TRIP6: variants seen among roughly 807,000 people sequenced by gnomAD.
The protein encoded by TRIP6 is thyroid hormone receptor interactor 6, also known as thyroid receptor-interacting protein 6.
A neutral mutation model predicts 51.9 loss-of-function variants in TRIP6; 33 were observed. That is an observed-to-expected ratio of 0.64 (90% CI 0.48 to 0.85). The LOEUF (loss-of-function observed/expected upper bound fraction) is 0.85. TRIP6 is among the 40% of genes least tolerant of loss of function. The probability of loss-of-function intolerance (pLI) is 0.00; values close to 1 mark genes in which losing one functional copy is unlikely to be tolerated. For missense variants in TRIP6, 661 were observed against 652.1 expected (o/e 1.01, Z -0.15); for synonymous variants, 255 against 275.8 (o/e 0.92, Z 0.75).
chr7:100,868,988 C>G, intron 4 of TRIP6, 122 bp downstream of exon 4: 12 of 1,300,364 alleles, frequency 9.2e-6, no homozygotes, highest in Non-Finnish European at 9.9e-6. Context: ...CTCTTGTTTG[C>G]CCAGGCTGGG....
At chr7:100,872,293 A>G (rs1324352000) in intron 7 of TRIP6, among the ~76,000 whole-genome samples, 1 of 145,022 alleles carries the variant, frequency 6.9e-6, no homozygotes, top group African/African-American at 2.5e-5. Flanking sequence ...TCGGCCGCCC[A>G]AAGTGCAGGG....
chr7:100,870,840 G>A (rs1449827924), intron 6 of TRIP6, 97 bp downstream of exon 6: 16 of 1,456,682 alleles, frequency 1.1e-5, no homozygotes, highest in Admixed American at 4.6e-5. Context: ...AAGGAGGAAC[G>A]GTGCTAAAAG....
At chr7:100,869,796 A>G (rs1178929824) in intron 4 of TRIP6, among the ~76,000 whole-genome samples, 2 of 84,224 alleles carry the variant, frequency 2.4e-5, no homozygotes, top group Non-Finnish European at 4.3e-5. Flanking sequence ...CAATTTTTCC[A>G]TGGACTGGGG....
At position 100,871,589 on chromosome 7, in the gene TRIP6, G is replaced by T. The variant is rs557993878; in HGVS notation, c.1046G>T (p.Arg349Leu). ...ACGTGCTCCCAGCCCATCCTGGACC[G>T]GATCCTGCGGGCTATGGGGAAGGCC... ...CATCSQPILD[R>L]ILRAMGKAYH... Residue 349 changes from arginine to leucine, a missense_variant, in exon 7 of 9, where the codon CGG becomes CTG. Transcript: ENST00000200457. 2 of 1,614,054 alleles carry T rather than the reference G, an allele frequency of 1.2e-6. No individual in the cohort carries two copies. Among genetic ancestry groups the T allele is most frequent in the South Asian group, 1.1e-5 (1 of 91,076 alleles).
intron 8 of TRIP6, 43 bp downstream of exon 8, chr7:100,872,787 G>C: frequency 6.2e-7 from 1 of 1,611,656 alleles, no homozygotes; most frequent in Non-Finnish European, 8.5e-7. Context: ...CAGTGTCTAG[G>C]GTGCTGGGTA....
At chr7:100,872,291 C>T (rs573167044) in intron 7 of TRIP6, among the ~76,000 whole-genome samples, 1 of 151,800 alleles carries the variant, frequency 6.6e-6, no homozygotes, top group African/African-American at 2.4e-5. Flanking sequence ...CCTCGGCCGC[C>T]CAAAGTGCAG....
In TRIP6 at chr7:100,867,414, A is replaced by G; in HGVS notation, c.-84A>G. ...AAAAAGTTTTCTTTTCTGGAGTCCCAAACGAGGTGCGGGACGGAAGAGGGG... is the reference window on the plus strand; with the variant it reads ...AAAAAGTTTTCTTTTCTGGAGTCCCGAACGAGGTGCGGGACGGAAGAGGGG... On this transcript the variant is annotated 5_prime_UTR_variant, in exon 1 of 9. Transcript: ENST00000200457. This position sits in a 1 kb window ranked among gnomAD's most constrained non-coding sequence, Gnocchi z 5.4. 1 of 1,064,008 alleles carries G rather than the reference A, an allele frequency of 9.4e-7. No individual in the cohort carries two copies. Among genetic ancestry groups the G allele is most frequent in the East Asian group, 3.2e-5 (1 of 31,170 alleles). The allele number at this position is 1,064,008 out of a possible 1,614,324, so 65.9% of individuals were successfully genotyped here.
intron 6 of TRIP6, chr7:100,871,302 T>A: frequency 3.4e-6 from 2 of 581,506 alleles, no homozygotes; most frequent in Non-Finnish European, 3.1e-6. Flanking sequence ...CCCAAAGTGC[T>A]GGCATTACAG....
At chr7:100,871,210 T>C (rs1362060760) in intron 6 of TRIP6, 1 of 449,490 alleles carries the variant, frequency 2.2e-6, no homozygotes, top group Admixed American at 3.1e-5. Context: ...AATTTTTGTA[T>C]TTTTAGTAGA....
Position 100,873,346 on chromosome 7 carries a change from A to G in TRIP6, c.*43A>G. 6.4e-7 allele frequency: 1 copy of G among 1,568,638 alleles called. No individual in the cohort carries two copies. Among genetic ancestry groups the G allele is most frequent in the Non-Finnish European group, 8.7e-7 (1 of 1,150,690 alleles). On this transcript the variant is annotated 3_prime_UTR_variant, in exon 9 of 9. Coordinates refer to ENST00000200457, the MANE Select transcript of TRIP6 (RefSeq NM_003302.3). ...TGCTGGGTTCTCAGTTCCAGTTCCC[A>G]TCCTTTGATTGATCACTCTCCCTGA...
chr7:100,872,476 TTC>T, intron 7 of TRIP6, 146 bp from the exon 8 acceptor site: 1 of 1,276,882 alleles, frequency 7.8e-7, no homozygotes, highest in Non-Finnish European at 1.1e-6. Context: ...GCCTCTCTCA[TTC>T]TCTTTGACAT....
rs988891884 is a variant in TRIP6, at chr7:100,870,268, T to C, written c.736-102T>C. 5 of 1,166,624 alleles carry C rather than the reference T, an allele frequency of 4.3e-6. No homozygotes were observed. The African/African-American group carries it at 6.1e-5, about 14-fold the overall frequency. The allele number at this position is 1,166,624 out of a possible 1,614,324, so 72.3% of individuals were successfully genotyped here. On this transcript the variant is annotated intron_variant, in intron 4 of 8. Transcript: ENST00000200457. ...TGCTTGCCCATTGCTCAGCTCCTGC[T>C]GTGTGGCCCAGTTCCTAACAGGCCA...
At chr7:100,870,924 C>T in intron 6 of TRIP6, 181 bp downstream of exon 6, 1 of 841,006 alleles carries the variant, frequency 1.2e-6, no homozygotes, top group Non-Finnish European at 1.9e-6. Flanking sequence ...ACACTGGTGG[C>T]TGAAGGGAAG....
At position 100,873,298 on chromosome 7, in the gene TRIP6, T is replaced by A. The variant is rs760401511; in HGVS notation, c.1426T>A (p.Cys476Ser). 6.2e-7 allele frequency: 1 copy of A among 1,605,676 alleles called. No homozygotes were observed. Among genetic ancestry groups the A allele is most frequent in the East Asian group, 2.2e-5 (1 of 44,572 alleles). Residue 476 changes from cysteine to serine, a missense_variant, in exon 9 of 9, where the codon TGC becomes AGC. Cys to Ser is a moderately radical substitution (Grantham distance 112, BLOSUM62 -1). Coordinates refer to ENST00000200457, the MANE Select transcript of TRIP6 (RefSeq NM_003302.3). ...QELSATVTTD[C>S] ...GCTCTCAGCCACCGTCACCACTGAC[T>A]GCTGAGTCTTCCTAGAAGTACCTGC...
chr7:100,868,407 T>G, intron 3 of TRIP6, 88 bp from the exon 4 acceptor site: 1 of 1,599,280 alleles, frequency 6.3e-7, no homozygotes. Flanking sequence ...AAAAAGCCTG[T>G]GCTTCCCCAC....
At chr7:100,870,504 G>A in intron 5 of TRIP6, 41 bp downstream of exon 5, 1 of 1,607,142 alleles carries the variant, frequency 6.2e-7, no homozygotes, top group South Asian at 1.1e-5. Context: ...TGGGAAGGGA[G>A]GCTGGGAGAC....
In TRIP6 at chr7:100,868,158, G is replaced by A. The variant is rs1259080895; in HGVS notation, c.288G>A (p.Glu96=). The A allele has an allele frequency of 1.9e-6, 3 of 1,611,782 alleles. No individual in the cohort carries two copies. Among genetic ancestry groups the A allele is most frequent in the South Asian group, 2.2e-5 (2 of 90,928 alleles). The part of the protein sequence containing the change: ...GGLRPGSLDA[E]IDLLSSTLAE... ...TTCGCCCTGGAAGCCTGGACGCCGA[G>A]ATAGACTTGCTGAGCAGCACGCTGG... Residue 96 remains glutamate (E), a synonymous_variant, in exon 3 of 9, where the codon GAG becomes GAA. Transcript: ENST00000200457.
intron 8 of TRIP6, among the ~76,000 whole-genome samples, 172 bp from the exon 9 acceptor site, chr7:100,873,000 G>C (rs970596608): frequency 1.3e-5 from 2 of 152,100 alleles, no homozygotes; most frequent in African/African-American, 4.8e-5. Context: ...ACAGGTGCTG[G>C]CCACCATGCC....
At position 100,867,523 on chromosome 7, in the gene TRIP6, C is replaced by G; in HGVS notation, c.26C>G (p.Pro9Arg). Residue 9 changes from proline (P) to arginine (R), a missense_variant, in exon 1 of 9, where the codon CCG (proline) becomes CGG (arginine). Transcript: ENST00000200457. This position sits in a 1 kb window ranked among gnomAD's most constrained non-coding sequence, Gnocchi z 5.4. MSGPTWLP[P>R]KQPEPARAPQ... ...ATGTCGGGGCCCACCTGGCTGCCCC[C>G]GAAGCAGCCGGAGCCCGCCAGAGCC... 2.0e-6 allele frequency: 3 copies of G among 1,513,604 alleles called. No homozygotes were observed. The highest frequency in any genetic ancestry group is 8.8e-7 in the Non-Finnish European group (1 of 1,133,022). The allele number at this position is 1,513,604 out of a possible 1,614,324, so 93.8% of individuals were successfully genotyped here.
Sources: gnomAD v4.1 joint callset for allele counts (sites outside exome capture counted in the v4.1 genomes callset) on GRCh38, gnomAD v4.1.1 for gene constraint, Gnocchi (gnomAD v3.1) non-coding constraint, MANE v1.5 for transcripts, NCBI Gene and HGNC (gene_info 2026-07-23, HGNC 2026-07-21) for gene names.